Variants in BSPH1 observed in about 807,000 individuals in gnomAD.
The protein encoded by BSPH1 is binder of sperm 1.
BSPH1 carries 21 observed loss-of-function variants against 22.5 expected under a neutral mutation model. The observed-to-expected ratio is 0.93, with a 90% confidence interval of 0.66 to 1.35. The LOEUF is 1.35. Ranked by LOEUF, BSPH1 falls within the 40% of genes most tolerant of loss-of-function variation. The probability of loss-of-function intolerance (pLI) is 0.00; values close to 1 mark genes in which losing one functional copy is unlikely to be tolerated. For missense variants in BSPH1, 141 were observed against 154.2 expected (o/e 0.91, Z 0.45); for synonymous variants, 42 against 53.6 (o/e 0.78, Z 0.95).
intron 5 of BSPH1, 99 bp downstream of exon 5, chr19:47,976,611 C>G (rs568372115): frequency 9.3e-6 from 6 of 643,528 alleles, no homozygotes; most frequent in Non-Finnish European, 1.5e-5. Context: ...AAAAAACCCT[C>G]TCTAATGAGA....
At chr19:47,979,743 T>C (rs1969400844) in intron 2 of BSPH1, 144 bp from the exon 3 acceptor site, 2 of 415,994 alleles carry the variant, frequency 4.8e-6, no homozygotes, top group African/African-American at 2.1e-5. Context: ...TCCAAGAACA[T>C]GGCATCTGCT....
intron 1 of BSPH1, among the ~76,000 whole-genome samples, chr19:47,991,145 C>T (rs2122271870): frequency 6.6e-6 from 1 of 152,250 alleles, no homozygotes; most frequent in East Asian, 1.9e-4. Context: ...AGGACTCCGT[C>T]CCAGCCAGGG....
intron 5 of BSPH1, among the ~76,000 whole-genome samples, chr19:47,973,020 AT>A (rs1969324759): frequency 6.6e-6 from 1 of 151,812 alleles, no homozygotes; most frequent in Non-Finnish European, 1.5e-5. Context: ...GATCGAGACC[AT>A]CCTGGCTAAC....
intron 5 of BSPH1, among the ~76,000 whole-genome samples, chr19:47,974,079 T>TG (rs1969336849): frequency 6.6e-6 from 1 of 152,078 alleles, no homozygotes; most frequent in Non-Finnish European, 1.5e-5. Flanking sequence ...CCATGCTGAG[T>TG]GCTATCTGCA....
intron 5 of BSPH1, among the ~76,000 whole-genome samples, chr19:47,974,714 T>G (rs1969345363): frequency 6.6e-6 from 1 of 152,116 alleles, no homozygotes; most frequent in Admixed American, 6.6e-5. Flanking sequence ...CCCCTCACTG[T>G]TTAGGTATTG....
At chr19:47,984,032 A>G (rs1191863835) in intron 1 of BSPH1, among the ~76,000 whole-genome samples, 3 of 151,538 alleles carry the variant, frequency 2.0e-5, no homozygotes, top group African/African-American at 7.3e-5. Flanking sequence ...TTTTTAGTAG[A>G]GACAGGGTTT....
intron 1 of BSPH1, among the ~76,000 whole-genome samples, chr19:47,990,747 T>C (rs1969515625): frequency 6.6e-6 from 1 of 152,218 alleles, no homozygotes; most frequent in Admixed American, 6.5e-5. Flanking sequence ...CGTTGTCAGA[T>C]GCATCCATAG....
intron 5 of BSPH1, among the ~76,000 whole-genome samples, chr19:47,974,466 C>T (rs965747966): frequency 4.0e-5 from 6 of 151,820 alleles, no homozygotes; most frequent in East Asian, 3.9e-4. Flanking sequence ...GACAGGGTTT[C>T]GCCGTGTTGG....
chr19:47,981,049 GA>G, intron 1 of BSPH1, 108 bp from the exon 2 acceptor site: 1 of 587,006 alleles, frequency 1.7e-6, no homozygotes, highest in East Asian at 3.3e-5. Flanking sequence ...TTGAAAGTTA[GA>G]CATCAAAGTT....
At chr19:47,973,547 G>T (rs919039946) in intron 5 of BSPH1, among the ~76,000 whole-genome samples, 1 of 152,132 alleles carries the variant, frequency 6.6e-6, no homozygotes. Flanking sequence ...CAAATATTTT[G>T]AGGTTAAGAG....
intron 5 of BSPH1, among the ~76,000 whole-genome samples, chr19:47,976,390 C>A (rs1038269730): frequency 1.3e-5 from 2 of 151,952 alleles, no homozygotes; most frequent in Non-Finnish European, 2.9e-5. Flanking sequence ...TTTTGGCCTC[C>A]CAAAGCGCTG....
intron 5 of BSPH1, among the ~76,000 whole-genome samples, chr19:47,973,156 G>A (rs1027552023): frequency 6.6e-6 from 1 of 150,974 alleles, no homozygotes; most frequent in Non-Finnish European, 1.5e-5. Context: ...GGCGGAGCTT[G>A]CAGTGAGCCG....
At chr19:47,990,593 C>A (rs1195531296) in intron 1 of BSPH1, among the ~76,000 whole-genome samples, 2 of 143,796 alleles carry the variant, frequency 1.4e-5, no homozygotes, top group Admixed American at 7.1e-5. Context: ...CTTTTCTGTT[C>A]TTTAAAAAAA....
chr19:47,970,866 C>T (rs988335937), intron 5 of BSPH1, among the ~76,000 whole-genome samples: 12 of 152,164 alleles, frequency 7.9e-5, no homozygotes, highest in African/African-American at 2.7e-4. Context: ...CAGGTAGTCG[C>T]TCCTTATGGG....
At chr19:47,975,757 G>A (rs754915220) in intron 5 of BSPH1, among the ~76,000 whole-genome samples, 7 of 148,512 alleles carry the variant, frequency 4.7e-5, no homozygotes, top group Non-Finnish European at 1.0e-4. Context: ...CCGTGTTCAC[G>A]CCATTCTCCT....
intron 3 of BSPH1, among the ~76,000 whole-genome samples, 179 bp downstream of exon 3, chr19:47,979,391 A>G (rs145098514): frequency 6.6e-6 from 1 of 152,314 alleles, no homozygotes; most frequent in East Asian, 1.9e-4. Context: ...AGTGCTGATG[A>G]AAGTTCAGAG....
intron 1 of BSPH1, among the ~76,000 whole-genome samples, chr19:47,988,440 A>G (rs1568399617): frequency 6.6e-6 from 1 of 152,162 alleles, no homozygotes; most frequent in Non-Finnish European, 1.5e-5. Flanking sequence ...CCACAGGCTA[A>G]GCTTGGTTGG....
At chr19:47,981,693 A>G (rs750681644) in intron 1 of BSPH1, 28 of 874,594 alleles carry the variant, frequency 3.2e-5, no homozygotes, top group Non-Finnish European at 3.7e-5. Flanking sequence ...AAATGGAGAG[A>G]GAACATTAGG....
At chr19:47,976,613 CTAA>C (rs1969366824) in intron 5 of BSPH1, 94 bp downstream of exon 5, 1 of 630,544 alleles carries the variant, frequency 1.6e-6, no homozygotes, top group African/African-American at 2.0e-5. Flanking sequence ...AAAACCCTCT[CTAA>C]TGAGAAAGGG....
Sources: allele counts gnomAD v4.1 joint callset (sites outside exome capture counted in the v4.1 genomes callset), GRCh38; gene constraint gnomAD v4.1.1; transcripts MANE v1.5; gene names NCBI Gene and HGNC (gene_info 2026-07-23, HGNC 2026-07-21).